ZNF667: variants seen among roughly 807,000 people sequenced by gnomAD.
The protein encoded by ZNF667 is myocardial ischemic preconditioning upregulated 1 ortholog.
A neutral mutation model predicts 31.8 loss-of-function variants in ZNF667; 13 were observed. The ratio of observed to expected loss-of-function variants is 0.41; its 90% CI spans 0.27 to 0.65. The LOEUF (loss-of-function observed/expected upper bound fraction) is 0.65. Ranked by LOEUF, ZNF667 falls within the 30% of genes least tolerant of loss-of-function variation. ZNF667 has a pLI of 0.32. For synonymous variants in ZNF667, 228 were observed against 247.1 expected, an observed-to-expected ratio of 0.92 and a Z score of 0.73; for missense variants, 642 against 725.6, an observed-to-expected ratio of 0.88 and a Z score of 1.32.
chr19:56,477,138 C>G (rs1449824854), intron 1 of ZNF667, 134 bp downstream of exon 1: 1 of 152,370 alleles, frequency 6.6e-6, no homozygotes, highest in South Asian at 2.1e-4. Context: ...CCACCGCCCA[C>G]GCAAGCACCC....
chr19:56,459,710 A>G (rs964724424), intron 5 of ZNF667, among the ~76,000 whole-genome samples: 1 of 151,686 alleles, frequency 6.6e-6, no homozygotes, highest in African/African-American at 2.4e-5. Context: ...CTATCAAAAG[A>G]GGGCTGAGTG....
At chr19:56,474,826 C>A (rs901503694) in intron 1 of ZNF667, 2 of 151,620 alleles carry the variant, frequency 1.3e-5, no homozygotes, top group African/African-American at 4.8e-5. Flanking sequence ...TCTGACCCGC[C>A]CTTTTTTTTC....
chr19:56,441,292 G>C lies in ZNF667; in HGVS notation c.1703C>G (p.Ser568Ter), dbSNP rs1330928807. 6.2e-7 allele frequency: 1 copy of C among 1,614,072 alleles called. No individual in the cohort carries two copies. Among genetic ancestry groups the C allele is most frequent in the African/African-American group, 1.3e-5 (1 of 74,930 alleles). ...NECGKAFSSG[S>*]DLIRHQRSHS... ...ACTTCTCTGATGTCGAATAAGGTCT[G>C]AGCCACTGCTAAATGCCTTCCCACA... Residue 568 changes from serine (S) to a stop codon, truncating the protein, a stop_gained, in exon 7 of 7, where the codon TCA (serine) becomes TGA (stop). Coordinates refer to ENST00000504904, the MANE Select transcript of ZNF667 (RefSeq NM_001321356.2). LOFTEE classifies it high-confidence loss of function. This position sits in a 1 kb window ranked among gnomAD's most constrained non-coding sequence, Gnocchi z 4.2.
chr19:56,477,863 C>T (rs1044927283), upstream of ZNF667: 1 of 152,434 alleles, frequency 6.6e-6, no homozygotes, highest in African/African-American at 2.4e-5. Context: ...CGCAGTCATC[C>T]TGCGACCTCC....
intron 5 of ZNF667, among the ~76,000 whole-genome samples, chr19:56,459,948 C>G (rs531596976): frequency 6.6e-6 from 1 of 151,782 alleles, no homozygotes. Context: ...GCTGAGATTG[C>G]GCCACTGCAC....
Position 56,441,411 on chromosome 19 carries a change from T to G in ZNF667, c.1584A>C (p.Thr528=). ...ERIHTGEKPY[T]CKTCGKAFSQ... ...TAAAGGCCTTACCACATGTTTTGCA[T>G]GTATATGGCTTCTCTCCAGTGTGAA... The change falls in exon 7 of 7, where the codon ACA becomes ACC. Residue 528 remains threonine (T), a synonymous_variant. Coordinates refer to ENST00000504904, the MANE Select transcript of ZNF667 (RefSeq NM_001321356.2). The surrounding 1 kb of genome is among the most constrained non-coding windows in gnomAD (Gnocchi z 4.2). 1 of 1,614,196 alleles carries G rather than the reference T, an allele frequency of 6.2e-7. No homozygotes were observed. The highest frequency in any genetic ancestry group is 8.5e-7 in the Non-Finnish European group (1 of 1,180,044).
At chr19:56,467,198 G>C (rs1441401155) in intron 3 of ZNF667, 3 of 363,608 alleles carry the variant, frequency 8.3e-6, no homozygotes, top group Middle Eastern at 3.8e-4. Context: ...GGAATGGGGT[G>C]GGGGGGAAAT....
chr19:56,455,897 A>G (rs979098362), intron 6 of ZNF667, among the ~76,000 whole-genome samples: 15 of 152,164 alleles, frequency 9.9e-5, no homozygotes, highest in Non-Finnish European at 1.9e-4. Context: ...TAATATATAC[A>G]CCTCTATATC....
At chr19:56,475,805 T>C (rs1315189305) in intron 1 of ZNF667, 2 of 152,142 alleles carry the variant, frequency 1.3e-5, no homozygotes, top group Non-Finnish European at 2.9e-5. Flanking sequence ...ATCAGGAAGA[T>C]CCTTTGTTCC....
At chr19:56,461,434 G>A (rs748157731) in intron 4 of ZNF667, among the ~76,000 whole-genome samples, 2 of 152,110 alleles carry the variant, frequency 1.3e-5, no homozygotes, top group East Asian at 1.9e-4. Context: ...GAAAAATGAG[G>A]GTCAGGTGGA....
At chr19:56,454,856 G>A (rs185813009) in intron 6 of ZNF667, among the ~76,000 whole-genome samples, 1 of 151,882 alleles carries the variant, frequency 6.6e-6, no homozygotes, top group East Asian at 1.9e-4. Context: ...CTTGGGCACA[G>A]CACAGGAAAC....
intron 6 of ZNF667, among the ~76,000 whole-genome samples, chr19:56,447,596 A>C (rs1027965368): frequency 2.0e-5 from 3 of 152,100 alleles, no homozygotes; most frequent in African/African-American, 4.8e-5. Flanking sequence ...TCCTTAAAAA[A>C]AAACAAACAA....
rs2042599203 is a variant in ZNF667, at chr19:56,441,447, T to A, written c.1548A>T (p.Gln516His). 6.2e-7 allele frequency: 1 copy of A among 1,614,094 alleles called. No homozygotes were observed. The highest frequency in any genetic ancestry group is 1.3e-5 in the African/African-American group (1 of 74,942). ...KAFSQSAHLAQHERIHTGEKP... is the reference protein window; with the variant it reads ...KAFSQSAHLAHHERIHTGEKP... ...TCTCTCCAGTGTGAATTCTTTCATG[T>A]TGGGCGAGGTGTGCACTCTGGCTGA... Residue 516 changes from glutamine to histidine, a missense_variant, in exon 7 of 7, where the codon CAA (glutamine) becomes CAT (histidine). Coordinates refer to ENST00000504904, the MANE Select transcript of ZNF667 (RefSeq NM_001321356.2). This position sits in a 1 kb window ranked among gnomAD's most constrained non-coding sequence, Gnocchi z 4.2.
rs1204558832 is a variant in ZNF667 at position 56,472,147 on chromosome 19, C to T, written c.-508G>A. ...TCAGCAGCACGAAAACAGACTCATA[C>T]ATTGTCCATAAAATAATTTTCTTCA... On this transcript the variant is annotated 5_prime_UTR_variant, in exon 3 of 7. The change abolishes an upstream ATG in the 5' untranslated region. Transcript: ENST00000504904. 2 of 152,220 alleles carry T rather than the reference C, an allele frequency of 1.3e-5. No individual in the cohort carries two copies. The highest frequency in any genetic ancestry group is 4.8e-5 in the African/African-American group (2 of 41,434). The allele number at this position is 152,220 out of a possible 1,614,324, so 9.4% of individuals were successfully genotyped here.
intron 2 of ZNF667, 23 bp downstream of exon 2, chr19:56,473,989 A>C (rs2043347893): frequency 6.6e-6 from 1 of 152,218 alleles, no homozygotes; most frequent in Non-Finnish European, 1.5e-5. Context: ...AAATGAAATA[A>C]AAGAAGGCTG....
chr19:56,461,118 T>C (rs1041533833), intron 4 of ZNF667, among the ~76,000 whole-genome samples: 6 of 152,206 alleles, frequency 3.9e-5, no homozygotes, highest in Admixed American at 6.5e-5. Flanking sequence ...TTAGTGCTCA[T>C]GTGAATCAGT....
chr19:56,456,198 T>C (rs1324824488), intron 6 of ZNF667, among the ~76,000 whole-genome samples: 1 of 152,210 alleles, frequency 6.6e-6, no homozygotes, highest in Non-Finnish European at 1.5e-5. Flanking sequence ...AATGGCAATA[T>C]CCAATACTAG....
In ZNF667 at chr19:56,442,451, T is replaced by G; in HGVS notation, c.544A>C (p.Arg182=). 1 of 1,614,076 alleles carries G rather than the reference T, an allele frequency of 6.2e-7. No individual in the cohort carries two copies. Among genetic ancestry groups the G allele is most frequent in the Non-Finnish European group, 8.5e-7 (1 of 1,179,964 alleles). Residue 182 remains arginine, a synonymous_variant, in exon 7 of 7, where the codon AGA becomes CGA. Coordinates refer to ENST00000504904, the MANE Select transcript of ZNF667 (RefSeq NM_001321356.2). ...FECSNCRKAF[R]QISSILLHQR... ...TGAAGTAGGATGGATGAGATCTGTC[T>G]GAAAGCTTTTCTACAATTACTGCAT...
intron 3 of ZNF667, chr19:56,470,077 G>A (rs1436174865): frequency 2.2e-6 from 1 of 455,120 alleles, no homozygotes; most frequent in Non-Finnish European, 4.4e-6. Flanking sequence ...TGTGACCTTG[G>A]GCAAGTTACT....
Sources: gnomAD v4.1 joint callset for allele counts (sites outside exome capture counted in the v4.1 genomes callset) on GRCh38, gnomAD v4.1.1 for gene constraint, Gnocchi (gnomAD v3.1) non-coding constraint, MANE v1.5 for transcripts, NCBI Gene and HGNC (gene_info 2026-07-23, HGNC 2026-07-21) for gene names.